Variants in SAP30BP observed in about 807,000 individuals in gnomAD.
SAP30BP encodes SAP30-binding protein.
SAP30BP carries 31 observed loss-of-function variants against 46.3 expected under a neutral mutation model. That is an observed-to-expected ratio of 0.67 (90% CI 0.50 to 0.90). The LOEUF (loss-of-function observed/expected upper bound fraction) is 0.90, where lower values mean the gene tolerates loss of function less well. Among genes scored for constraint, SAP30BP ranks in the 40% least tolerant of loss-of-function variants. The probability of loss-of-function intolerance (pLI) is 0.00; values close to 1 mark genes in which losing one functional copy is unlikely to be tolerated. For synonymous variants in SAP30BP, 169 were observed against 144.2 expected (o/e 1.17, Z -1.23); for missense variants, 312 against 391.0 (o/e 0.80, Z 1.70).
intron 4 of SAP30BP, among the ~76,000 whole-genome samples, chr17:75,699,505 T>TAAA (rs56285842): frequency 7.5e-6 from 1 of 134,066 alleles, no homozygotes. Context: ...CCCGTCTCTT[T>TAAA]AAAAAAAAAA....
rs184079052 is a variant in SAP30BP at position 75,705,359 on chromosome 17, G to A, written c.660+545G>A. 54 of 163,522 alleles carry A rather than the reference G, an allele frequency of 3.3e-4. 1 individual carries two copies. The East Asian group carries it at 7.1e-3, about 21-fold the overall frequency. The allele number at this position is 163,522 out of a possible 1,614,324, so 10.1% of individuals were successfully genotyped here. On this transcript the variant is annotated intron_variant, in intron 9 of 10. Coordinates refer to ENST00000584667, the MANE Select transcript of SAP30BP (RefSeq NM_013260.8). The stretch of plus-strand genomic sequence containing the variant: ...TCCCTTTGTGACCAGTCTCAGAGCC[G>A]GGCATCAGGACACCAGCTCCTCCCA...
intron 1 of SAP30BP, 87 bp from the exon 2 acceptor site, chr17:75,668,429 C>A: frequency 2.5e-6 from 2 of 795,832 alleles, no homozygotes; most frequent in South Asian, 2.0e-5. Context: ...CTTGGCCACT[C>A]AAATCTCTGG....
chr17:75,683,028 A>T (rs1167574012), intron 3 of SAP30BP, among the ~76,000 whole-genome samples: 1 of 143,628 alleles, frequency 7.0e-6, no homozygotes, highest in Non-Finnish European at 1.5e-5. Context: ...CTGTAAGAAA[A>T]ATTTATTTTA....
chr17:75,702,329 T>A, intron 5 of SAP30BP, 151 bp from the exon 6 acceptor site: 1 of 458,376 alleles, frequency 2.2e-6, no homozygotes, highest in South Asian at 3.7e-5. Flanking sequence ...TGGCTGAGGA[T>A]AGGTTAAATT....
chr17:75,685,526 G>A (rs992674467), intron 3 of SAP30BP, among the ~76,000 whole-genome samples: 11 of 152,086 alleles, frequency 7.2e-5, no homozygotes, highest in Admixed American at 7.2e-4. Flanking sequence ...TGACTTTCAG[G>A]GACTGCGAGT....
At chr17:75,699,013 G>A (rs1015608511) in intron 4 of SAP30BP, among the ~76,000 whole-genome samples, 1 of 152,084 alleles carries the variant, frequency 6.6e-6, no homozygotes, top group African/African-American at 2.4e-5. Flanking sequence ...GCAACATAAC[G>A]AGACCCCATC....
At position 75,706,108 on chromosome 17, in the gene SAP30BP, G is replaced by C; in HGVS notation, c.745+16G>C. 1 of 1,605,756 alleles carries C rather than the reference G, an allele frequency of 6.2e-7. No individual in the cohort carries two copies. Among genetic ancestry groups the C allele is most frequent in the South Asian group, 1.1e-5 (1 of 90,344 alleles). ...GCTGTTGCAGGTAGATTGCAGAGCT[G>C]CCCTGCCTCCTGCCACACACATGGA... is the stretch of plus-strand genomic sequence containing the variant. On this transcript the variant is annotated intron_variant, in intron 10 of 10. Coordinates refer to ENST00000584667, the MANE Select transcript of SAP30BP (RefSeq NM_013260.8). The surrounding 1 kb of genome is among the most constrained non-coding windows in gnomAD (Gnocchi z 4.6).
chr17:75,670,434 T>A (rs541230775), intron 2 of SAP30BP, among the ~76,000 whole-genome samples: 5 of 152,348 alleles, frequency 3.3e-5, no homozygotes, highest in Admixed American at 6.5e-5. Flanking sequence ...TAATTCAGAG[T>A]TGACTGAAAT....
rs925862948 is a variant in SAP30BP at position 75,667,387 on chromosome 17, G to T, written c.15G>T (p.Lys5Asn). 1 of 1,614,214 alleles carries T rather than the reference G, an allele frequency of 6.2e-7. No individual in the cohort carries two copies. The highest frequency in any genetic ancestry group is 8.5e-7 in the Non-Finnish European group (1 of 1,180,040). Residue 5 changes from lysine (K) to asparagine (N), a missense_variant, in exon 1 of 11, where the codon AAG becomes AAT. Lys to Asn is a moderately conservative substitution (Grantham distance 94). This residue lies in a region of SAP30BP where 296 missense variants were observed against 346.6 expected (regional missense o/e 0.85). Transcript: ENST00000584667. The stretch of plus-strand genomic sequence containing the variant: ...GTGGGAATAAGATGGCGGGGAAGAA[G>T]AATGTTCTGTCGTCTCTCGCAGTTT... MAGK[K>N]NVLSSLAVYA...
At chr17:75,670,369 C>T (rs2059890728) in intron 2 of SAP30BP, among the ~76,000 whole-genome samples, 1 of 151,970 alleles carries the variant, frequency 6.6e-6, no homozygotes, top group African/African-American at 2.4e-5. Flanking sequence ...GCGTTTTGTA[C>T]ATGATGCATT....
chr17:75,705,731 G>C, intron 9 of SAP30BP: 1 of 1,188,124 alleles, frequency 8.4e-7, no homozygotes, highest in South Asian at 1.7e-5. Flanking sequence ...TTCTGGGCAT[G>C]TGAGGTGGGG....
chr17:75,681,993 A>G (rs1269279680), intron 3 of SAP30BP, among the ~76,000 whole-genome samples: 4 of 152,038 alleles, frequency 2.6e-5, no homozygotes, highest in African/African-American at 9.7e-5. Context: ...TACTCTGCAG[A>G]ACGAAAGAGC....
At position 75,706,234 on chromosome 17, in the gene SAP30BP, G is replaced by T; in HGVS notation, c.746-106G>T. ...GAAGCACCTTTGGAGTCTGGGGTGG[G>T]CCACTTCGGGGTCTGCTCCCTAGAC... On this transcript the variant is annotated intron_variant, in intron 10 of 10. Transcript: ENST00000584667. The surrounding 1 kb of genome is among the most constrained non-coding windows in gnomAD (Gnocchi z 4.6). The T allele has an allele frequency of 6.5e-7, 1 of 1,545,954 alleles. No homozygotes were observed. Among genetic ancestry groups the T allele is most frequent in the Non-Finnish European group, 8.8e-7 (1 of 1,142,302 alleles).
chr17:75,688,975 C>G (rs996837810), intron 3 of SAP30BP, among the ~76,000 whole-genome samples: 1 of 152,144 alleles, frequency 6.6e-6, no homozygotes, highest in Non-Finnish European at 1.5e-5. Flanking sequence ...GCCTCCTGCT[C>G]TGGTTGTTGG....
At chr17:75,701,719 C>T (rs2060414076) in intron 5 of SAP30BP, among the ~76,000 whole-genome samples, 1 of 152,226 alleles carries the variant, frequency 6.6e-6, no homozygotes, top group Admixed American at 6.5e-5. Context: ...CTTCCGAAGT[C>T]TCCTGTGGCT....
rs575968962 is a variant in SAP30BP at position 75,668,532 on chromosome 17, G to A, written c.123G>A (p.Leu41=). The A allele has an allele frequency of 1.3e-6, 2 of 1,568,934 alleles. No homozygotes were observed. Among genetic ancestry groups the A allele is most frequent in the African/African-American group, 1.4e-5 (1 of 72,238 alleles). The change falls in exon 2 of 11, where the codon TTG becomes TTA. Residue 41 remains leucine, a synonymous_variant. Transcript: ENST00000584667. The part of the protein sequence containing the change: ...VGSAAEEKGG[L]VSDAYGEDDF... Reference sequence around the variant, plus strand: ...ACCTTTCAGAGGAGAAAGGCGGATTGGTATCTGATGCCTATGGGGAGGATG... The same window carrying A: ...ACCTTTCAGAGGAGAAAGGCGGATTAGTATCTGATGCCTATGGGGAGGATG...
At chr17:75,673,341 A>T (rs2059934332) in intron 3 of SAP30BP, among the ~76,000 whole-genome samples, 2 of 152,218 alleles carry the variant, frequency 1.3e-5, no homozygotes, top group Non-Finnish European at 2.9e-5. Flanking sequence ...GTATGGGCAG[A>T]CCCATGGCCC....
rs73368052 is a variant in SAP30BP, at chr17:75,706,288, G to A, written c.746-52G>A. The A allele has an allele frequency of 2.2e-3, 3,445 of 1,581,850 alleles. 83 individuals are homozygous for A. The African/African-American group carries it at 0.04, about 19-fold the overall frequency. On this transcript the variant is annotated intron_variant, in intron 10 of 10. Coordinates refer to ENST00000584667, the MANE Select transcript of SAP30BP (RefSeq NM_013260.8). The surrounding 1 kb of genome is among the most constrained non-coding windows in gnomAD (Gnocchi z 4.6). ...CGCTGGCCTGCAGGGGGAAGGGAAA[G>A]AGGGCACCGCTCATTGGTGGATCGT...
chr17:75,704,558 G>T (rs2060465616), intron 8 of SAP30BP, among the ~76,000 whole-genome samples, 198 bp from the exon 9 acceptor site: 2 of 152,224 alleles, frequency 1.3e-5, no homozygotes, highest in South Asian at 2.1e-4. Context: ...CACACACAGG[G>T]CATGCAGCCC....
Sources: allele counts gnomAD v4.1 joint callset (sites outside exome capture counted in the v4.1 genomes callset), GRCh38; gene constraint gnomAD v4.1.1; regional missense constraint gnomAD v4.1.1; non-coding constraint Gnocchi (gnomAD v3.1); transcripts MANE v1.5; gene names NCBI Gene and HGNC (gene_info 2026-07-23, HGNC 2026-07-21).